Variants in WWP2 observed in about 807,000 individuals in gnomAD.
The protein encoded by WWP2 is WW domain containing E3 ubiquitin protein ligase 2.
In WWP2, 57 loss-of-function variants were observed where a neutral mutation model predicts 121.0. The ratio of observed to expected loss-of-function variants is 0.47; its 90% confidence interval spans 0.38 to 0.59. The LOEUF is 0.59. Ranked by LOEUF, WWP2 falls within the 20% of genes least tolerant of loss-of-function variation. WWP2 has a pLI of 0.00. For missense variants in WWP2, 962 were observed against 1,158.9 expected (o/e 0.83, Z 2.47); for synonymous variants, 449 against 441.3 (o/e 1.02, Z -0.22).
intron 1 of WWP2, among the ~76,000 whole-genome samples, chr16:69,781,861 G>A (rs1414584857): frequency 2.6e-5 from 4 of 152,126 alleles, no homozygotes; most frequent in African/African-American, 4.8e-5. Context: ...AGAGAGAAAC[G>A]TGAGGGGCTG....
chr16:69,862,178 G>C (rs1394856477), intron 6 of WWP2, among the ~76,000 whole-genome samples: 2 of 152,118 alleles, frequency 1.3e-5, no homozygotes. Context: ...TGATTCTCTT[G>C]CCTCAGCCTC....
chr16:69,892,372 G>A (rs957435817), intron 8 of WWP2, among the ~76,000 whole-genome samples: 5 of 151,088 alleles, frequency 3.3e-5, no homozygotes, highest in Non-Finnish European at 7.4e-5. Flanking sequence ...AGGCCCCGGT[G>A]TGTGGTGTTC....
chr16:69,831,346 G>C (rs1402546777), intron 4 of WWP2, among the ~76,000 whole-genome samples: 1 of 152,142 alleles, frequency 6.6e-6, no homozygotes, highest in Non-Finnish European at 1.5e-5. Context: ...CCCCAAACTA[G>C]AAAGTTCTTT....
intron 4 of WWP2, among the ~76,000 whole-genome samples, chr16:69,828,175 C>T (rs1024575904): frequency 6.6e-6 from 1 of 151,848 alleles, no homozygotes; most frequent in Non-Finnish European, 1.5e-5. Flanking sequence ...TTGGTGAGTC[C>T]GTTATGTACT....
chr16:69,888,989 AG>A (rs1217256505), intron 8 of WWP2, among the ~76,000 whole-genome samples: 1 of 152,174 alleles, frequency 6.6e-6, no homozygotes, highest in Non-Finnish European at 1.5e-5. Flanking sequence ...TACAGGCAGG[AG>A]CCACCACACC....
intron 4 of WWP2, among the ~76,000 whole-genome samples, chr16:69,835,804 A>ATTT (rs34492692): frequency 6.3e-5 from 9 of 142,452 alleles, no homozygotes; most frequent in Admixed American, 1.4e-4. Flanking sequence ...ACCAAAGTAA[A>ATTT]TTTTTTTTTT....
rs186263118 is a variant in WWP2, at chr16:69,837,758, G to A, written c.341-2368G>A. Among the ~76,000 whole-genome samples, 68 of 152,306 alleles carry A rather than the reference G, an allele frequency of 4.5e-4. 1 individual carries two copies. Among genetic ancestry groups the A allele is most frequent in the Non-Finnish European group, 8.7e-4 (59 of 68,034 alleles). ...CATCCCTCAGCACGCTTCCAATAGC[G>A]GTGTGTGTCCTGGAGCCAGAAGGCT... On this transcript the variant is annotated intron_variant, in intron 4 of 23. Coordinates refer to ENST00000359154, the MANE Select transcript of WWP2 (RefSeq NM_001270454.2).
At chr16:69,900,450 G>A (rs2058185290) in intron 8 of WWP2, among the ~76,000 whole-genome samples, 2 of 152,062 alleles carry the variant, frequency 1.3e-5, no homozygotes, top group African/African-American at 4.8e-5. Flanking sequence ...GTAATATGGC[G>A]AGACTCTGTC....
At chr16:69,869,898 G>A (rs1385494565) in intron 6 of WWP2, among the ~76,000 whole-genome samples, 1 of 152,140 alleles carries the variant, frequency 6.6e-6, no homozygotes, top group Non-Finnish European at 1.5e-5. Flanking sequence ...TCCCAGCAGG[G>A]TCGTTCTGCT....
chr16:69,774,242 G>A (rs1352532151), intron 1 of WWP2, among the ~76,000 whole-genome samples: 1 of 151,936 alleles, frequency 6.6e-6, no homozygotes, highest in Non-Finnish European at 1.5e-5. Context: ...GTATTCCCCA[G>A]ACATGCTGTC....
At chr16:69,827,016 CA>C (rs2056712743) in intron 4 of WWP2, among the ~76,000 whole-genome samples, 1 of 151,410 alleles carries the variant, frequency 6.6e-6, no homozygotes, top group Non-Finnish European at 1.5e-5. Context: ...AAATGATAAC[CA>C]GCACACATCT....
intron 2 of WWP2, among the ~76,000 whole-genome samples, chr16:69,789,251 A>C (rs1191090564): frequency 6.6e-6 from 1 of 151,556 alleles, no homozygotes; most frequent in Non-Finnish European, 1.5e-5. Context: ...TTTTTTTGAG[A>C]TGGAGTCTCG....
At chr16:69,875,963 T>A (rs2057727895) in intron 7 of WWP2, among the ~76,000 whole-genome samples, 1 of 152,210 alleles carries the variant, frequency 6.6e-6, no homozygotes, top group South Asian at 2.1e-4. Context: ...TTTATTTTTT[T>A]ATTTTTTTGA....
chr16:69,827,932 G>A (rs1567689087), intron 4 of WWP2: 2 of 455,534 alleles, frequency 4.4e-6, no homozygotes, highest in Non-Finnish European at 8.8e-6. Context: ...CGGCTTGAGA[G>A]ATTTACCAAG....
chr16:69,763,800 A>G (rs1029567595), intron 1 of WWP2, among the ~76,000 whole-genome samples: 3 of 152,196 alleles, frequency 2.0e-5, no homozygotes, highest in Non-Finnish European at 4.4e-5. Context: ...CACTTGATAA[A>G]TATTTGGTGA....
At chr16:69,888,534 T>G (rs1487657585) in intron 8 of WWP2, among the ~76,000 whole-genome samples, 1 of 152,180 alleles carries the variant, frequency 6.6e-6, no homozygotes, top group Non-Finnish European at 1.5e-5. Context: ...CTCATTTTGC[T>G]TTCCTGAATC....
At position 69,888,083 on chromosome 16, in the gene WWP2, G is replaced by C; in HGVS notation, c.748G>C (p.Val250Leu). ...TTATDPEEPS[V>L]VGVTSPPAAP... ...AGCCACTGATCCCGAAGAACCTTCCGTTGTTGGTGTGACGTCCCCACCTGC... is the reference window on the plus strand; with the variant it reads ...AGCCACTGATCCCGAAGAACCTTCCCTTGTTGGTGTGACGTCCCCACCTGC... The change falls in exon 8 of 24, where the codon GTT becomes CTT. Residue 250 changes from valine (V) to leucine (L), a missense_variant. By Grantham distance (32) the Val-to-Leu change is conservative. Around this residue, in one of 3 missense-constraint regions of WWP2, gnomAD observed 211 missense variants for 196.5 expected, o/e 1.07. Coordinates refer to ENST00000359154, the MANE Select transcript of WWP2 (RefSeq NM_001270454.2). The C allele has an allele frequency of 6.2e-7, 1 of 1,614,166 alleles. No homozygotes were observed.
intron 8 of WWP2, among the ~76,000 whole-genome samples, chr16:69,896,275 T>C (rs940756663): frequency 3.3e-5 from 5 of 152,106 alleles, no homozygotes; most frequent in African/African-American, 7.2e-5. Context: ...TGCGCCACCA[T>C]GCTCAGCTAA....
chr16:69,827,672 G>A (rs2056725919), intron 4 of WWP2, among the ~76,000 whole-genome samples: 1 of 152,178 alleles, frequency 6.6e-6, no homozygotes, highest in Non-Finnish European at 1.5e-5. Flanking sequence ...TTGATACCAG[G>A]CAACTGAGAG....
Sources: gnomAD v4.1 joint callset for allele counts (sites outside exome capture counted in the v4.1 genomes callset) on GRCh38, gnomAD v4.1.1 for gene constraint, gnomAD v4.1.1 regional missense constraint, MANE v1.5 for transcripts, NCBI Gene and HGNC (gene_info 2026-07-23, HGNC 2026-07-21) for gene names.